Variants in POU2F3 observed in about 807,000 individuals in gnomAD.
The protein encoded by POU2F3 is POU class 2 homeobox 3.
In POU2F3, 23 loss-of-function variants were observed where a neutral mutation model predicts 59.2. That is an observed-to-expected ratio of 0.39 (90% CI 0.28 to 0.55). The LOEUF (loss-of-function observed/expected upper bound fraction) is 0.55. Among genes scored for constraint, POU2F3 ranks in the 20% least tolerant of loss-of-function variants. POU2F3 has a pLI of 0.66. For synonymous variants in POU2F3, 190 were observed against 214.6 expected, an observed-to-expected ratio of 0.89 and a Z score of 1.00; for missense variants, 473 against 544.5, an observed-to-expected ratio of 0.87 and a Z score of 1.31.
At chr11:120,290,036 G>A (rs991563359) in intron 3 of POU2F3, among the ~76,000 whole-genome samples, 1 of 152,184 alleles carries the variant, frequency 6.6e-6, no homozygotes, top group African/African-American at 2.4e-5. Flanking sequence ...TATAGGGCAG[G>A]AAACTGTTTC....
chr11:120,282,393 T>C (rs1416322242), intron 3 of POU2F3, among the ~76,000 whole-genome samples: 1 of 152,244 alleles, frequency 6.6e-6, no homozygotes, highest in Non-Finnish European at 1.5e-5. Context: ...CAGTGGCTCA[T>C]GCCTGTAATC....
chr11:120,244,798 A>G (rs548393533), intron 1 of POU2F3, among the ~76,000 whole-genome samples: 32 of 152,334 alleles, frequency 2.1e-4, no homozygotes, highest in African/African-American at 6.3e-4. Context: ...ACAGAAGGCC[A>G]GTGGCAGCAG....
At chr11:120,260,256 T>G (rs1382978459) in intron 2 of POU2F3, among the ~76,000 whole-genome samples, 2 of 152,250 alleles carry the variant, frequency 1.3e-5, no homozygotes, top group Non-Finnish European at 2.9e-5. Context: ...GCCAAAGCTA[T>G]GCAAATCAGC....
chr11:120,289,655 G>C (rs999857607), intron 3 of POU2F3, among the ~76,000 whole-genome samples: 3 of 151,976 alleles, frequency 2.0e-5, no homozygotes, highest in African/African-American at 7.3e-5. Context: ...GGACAGAGCC[G>C]CTTCTTCCAC....
intron 11 of POU2F3, 139 bp downstream of exon 11, chr11:120,315,566 G>C: frequency 1.2e-6 from 1 of 811,082 alleles, no homozygotes; most frequent in Non-Finnish European, 1.9e-6. Context: ...GGGAAAAAAG[G>C]GTTCTGTGAT....
chr11:120,244,647 C>T (rs1938798143), intron 1 of POU2F3, among the ~76,000 whole-genome samples: 1 of 152,202 alleles, frequency 6.6e-6, no homozygotes, highest in Non-Finnish European at 1.5e-5. Context: ...CCAGCAGTCT[C>T]TGACTCAGGG....
intron 3 of POU2F3, among the ~76,000 whole-genome samples, chr11:120,286,393 G>A (rs1940783064): frequency 6.6e-6 from 1 of 152,196 alleles, no homozygotes; most frequent in Non-Finnish European, 1.5e-5. Flanking sequence ...ATGCTCAGGT[G>A]AGATCCAGGC....
upstream of POU2F3, among the ~76,000 whole-genome samples, chr11:120,237,618 G>A (rs1938534385): frequency 6.6e-6 from 1 of 152,198 alleles, no homozygotes; most frequent in Admixed American, 6.5e-5. Flanking sequence ...CCCAGATAAG[G>A]TGGTCGGAGA....
intron 3 of POU2F3, among the ~76,000 whole-genome samples, chr11:120,275,935 G>A (rs1392327808): frequency 2.6e-5 from 4 of 152,168 alleles, no homozygotes; most frequent in Non-Finnish European, 5.9e-5. Flanking sequence ...TAGCTGCTCC[G>A]AGTACAAATT....
chr11:120,292,937 C>T (rs1201362729), intron 3 of POU2F3, among the ~76,000 whole-genome samples: 1 of 152,174 alleles, frequency 6.6e-6, no homozygotes, highest in South Asian at 2.1e-4. Context: ...TCAGCACTAG[C>T]AATGCTATGT....
chr11:120,252,004 C>T (rs1939125112), intron 2 of POU2F3, among the ~76,000 whole-genome samples: 1 of 151,848 alleles, frequency 6.6e-6, no homozygotes, highest in Non-Finnish European at 1.5e-5. Context: ...TCATGTTGGT[C>T]AGGCTGGTCT....
chr11:120,310,066 A>G (rs1482336983), intron 10 of POU2F3, among the ~76,000 whole-genome samples: 1 of 152,188 alleles, frequency 6.6e-6, no homozygotes, highest in Non-Finnish European at 1.5e-5. Context: ...ATGAGAAGCC[A>G]TTGGAGAGCT....
intron 2 of POU2F3, among the ~76,000 whole-genome samples, chr11:120,263,810 C>T (rs191969141): frequency 4.8e-4 from 73 of 152,292 alleles, no homozygotes; most frequent in African/African-American, 7.5e-4. Flanking sequence ...CTTCCAAAGA[C>T]GGAGCCAGGG....
chr11:120,236,687 G>C (rs147851945), upstream of POU2F3: 164 of 1,505,898 alleles, frequency 1.1e-4, no homozygotes, highest in East Asian at 3.9e-3. Context: ...GAGTCTCCAA[G>C]AACTGCTAAA....
intron 2 of POU2F3, chr11:120,253,655 C>G (rs1451380616): frequency 6.6e-6 from 1 of 152,206 alleles, no homozygotes; most frequent in African/African-American, 2.4e-5. Flanking sequence ...GACTTTCTAC[C>G]TAAAGATGGT....
intron 5 of POU2F3, among the ~76,000 whole-genome samples, chr11:120,300,196 G>A (rs920927137): frequency 6.6e-6 from 1 of 152,096 alleles, no homozygotes; most frequent in Non-Finnish European, 1.5e-5. Context: ...GTTTTCTTTG[G>A]CAGGGAAGTT....
At chr11:120,239,455 G>A (rs924604297), upstream of POU2F3, among the ~76,000 whole-genome samples, 2 of 152,176 alleles carry the variant, frequency 1.3e-5, no homozygotes, top group African/African-American at 4.8e-5. Context: ...CTGGGCACTG[G>A]TAACTTCCAC....
At chr11:120,305,255 G>A (rs1271397862) in intron 7 of POU2F3, 43 bp downstream of exon 7, 1 of 1,591,402 alleles carries the variant, frequency 6.3e-7, no homozygotes, top group South Asian at 1.1e-5. Context: ...TAGCCGAGCG[G>A]CTGGAGACTG....
intron 3 of POU2F3, among the ~76,000 whole-genome samples, chr11:120,295,815 C>G (rs1941178145): frequency 6.6e-6 from 1 of 152,140 alleles, no homozygotes; most frequent in South Asian, 2.1e-4. Flanking sequence ...GACTCTCTAC[C>G]CCCACAGTGC....
Sources: allele counts gnomAD v4.1 joint callset (sites outside exome capture counted in the v4.1 genomes callset), GRCh38; gene constraint gnomAD v4.1.1; transcripts MANE v1.5; gene names NCBI Gene and HGNC (gene_info 2026-07-23, HGNC 2026-07-21).